Variants in BNC2 observed in about 807,000 individuals in gnomAD.
The protein encoded by BNC2 is zinc finger protein basonuclin-2.
In BNC2, 20 loss-of-function variants were observed where a neutral mutation model predicts 76.3. The observed-to-expected ratio is 0.26, with a 90% CI of 0.18 to 0.38. BNC2 has a LOEUF of 0.38. BNC2 is among the 10% of genes least tolerant of loss of function. The probability of loss-of-function intolerance (pLI) is 1.00; values close to 1 mark genes in which losing one functional copy is unlikely to be tolerated. For synonymous variants in BNC2, 582 were observed against 514.8 expected (o/e 1.13, Z -1.77); for missense variants, 1,382 against 1,399.8 (o/e 0.99, Z 0.20).
chr9:16,664,569 G>A lies in BNC2; in HGVS notation c.330+63228C>T, dbSNP rs76018942. On this transcript the variant is annotated intron_variant, in intron 3 of 6. Transcript: ENST00000380672. ...AACTACAACTTCAGGGTTTCTATGC[G>A]GTAAAAATTCCTGTAAACTGCCTGT... Among the ~76,000 whole-genome samples the A allele has an allele frequency of 6.3e-3, 962 of 152,168 alleles. 36 individuals are homozygous for A. The East Asian group carries it at 0.1, about 16-fold the overall frequency.
intron 3 of BNC2, among the ~76,000 whole-genome samples, chr9:16,670,951 T>C (rs1822459364): frequency 6.6e-6 from 1 of 152,154 alleles, no homozygotes; most frequent in Non-Finnish European, 1.5e-5. Flanking sequence ...CCCCTGAGCT[T>C]GCCCCACCTG....
chr9:16,744,789 G>C lies in BNC2; in HGVS notation c.4-6304C>G, dbSNP rs911700430. On this transcript the variant is annotated intron_variant, in intron 1 of 6. Transcript: ENST00000380672. ...GTGAAATTTTTACACTGGTCTCACT[G>C]AGCTTTATCAGAAAAACTGTGTAAA... Among the ~76,000 whole-genome samples the C allele has an allele frequency of 5.9e-5, 9 of 152,314 alleles. No individual in the cohort carries two copies. In the East Asian group the frequency reaches 1.2e-3, roughly 20 times the overall value.
intron 5 of BNC2, among the ~76,000 whole-genome samples, chr9:16,527,375 C>T (rs893648706): frequency 3.3e-5 from 5 of 152,104 alleles, no homozygotes; most frequent in African/African-American, 7.2e-5. Context: ...CATCTTATCT[C>T]CCCCAGACCC....
chr9:16,678,040 A>T lies in BNC2; in HGVS notation c.330+49757T>A, dbSNP rs187480327. ...CGGTAGAGGATGAGAATCAATTGTA[A>T]CAAAAATGAGAGGATGCAAAATAAA... On this transcript the variant is annotated intron_variant, in intron 3 of 6. Coordinates refer to ENST00000380672, the MANE Select transcript of BNC2 (RefSeq NM_017637.6). 3.4e-4 allele frequency among the ~76,000 whole-genome samples: 51 copies of T among 152,204 alleles called. 1 individual carries two copies. The highest frequency in any genetic ancestry group is 2.1e-3 in the South Asian group (10 of 4,818).
intron 5 of BNC2, among the ~76,000 whole-genome samples, chr9:16,539,425 G>C (rs1363783675): frequency 6.6e-6 from 1 of 151,400 alleles, no homozygotes; most frequent in Admixed American, 6.6e-5. Flanking sequence ...CTGCTCGGGA[G>C]GCTGAGGTGG....
At chr9:16,566,398 C>G in intron 4 of BNC2, among the ~76,000 whole-genome samples, 1 of 152,232 alleles carries the variant, frequency 6.6e-6, no homozygotes. Flanking sequence ...CTTTCTCAAC[C>G]CTTCTTTTGT....
chr9:16,507,943 A>G (rs1248411341), intron 5 of BNC2, among the ~76,000 whole-genome samples: 1 of 152,250 alleles, frequency 6.6e-6, no homozygotes, highest in Admixed American at 6.5e-5. Context: ...GTTCATTATT[A>G]TAATACTTCA....
intron 1 of BNC2, among the ~76,000 whole-genome samples, chr9:16,837,641 A>T (rs1336506734): frequency 2.0e-5 from 3 of 152,240 alleles, no homozygotes; most frequent in African/African-American, 7.2e-5. Flanking sequence ...AGAATGAGAT[A>T]AATAAAACCT....
chr9:16,782,586 T>G (rs1826184176), intron 1 of BNC2, among the ~76,000 whole-genome samples: 1 of 151,782 alleles, frequency 6.6e-6, no homozygotes, highest in Non-Finnish European at 1.5e-5. Flanking sequence ...CTAGACCCCT[T>G]CCACTGGCTG....
At chr9:16,594,618 A>G (rs1235289064) in intron 3 of BNC2, among the ~76,000 whole-genome samples, 3 of 152,190 alleles carry the variant, frequency 2.0e-5, no homozygotes, top group Non-Finnish European at 4.4e-5. Flanking sequence ...TACCCAGGCC[A>G]ATTGAGACAG....
chr9:16,545,859 C>G (rs1356248977), intron 5 of BNC2, among the ~76,000 whole-genome samples: 1 of 152,144 alleles, frequency 6.6e-6, no homozygotes, highest in East Asian at 1.9e-4. Flanking sequence ...GAGAAAATGG[C>G]AGAGCCATAA....
rs529762832 is a variant in BNC2, at chr9:16,592,401, G to T, written c.331-9316C>A. ...TACATACTACAACATGAATGAACATGAAAAACACTAAGCTGAGTTGCAGGA... is the reference window on the plus strand; with the variant it reads ...TACATACTACAACATGAATGAACATTAAAAACACTAAGCTGAGTTGCAGGA... On this transcript the variant is annotated intron_variant, in intron 3 of 6. Coordinates refer to ENST00000380672, the MANE Select transcript of BNC2 (RefSeq NM_017637.6). Among the ~76,000 whole-genome samples the T allele has an allele frequency of 2.0e-5, 3 of 152,228 alleles. No individual in the cohort carries two copies. The East Asian group carries it at 5.8e-4, about 29-fold the overall frequency.
At chr9:16,756,180 G>A (rs1272413190) in intron 1 of BNC2, among the ~76,000 whole-genome samples, 1 of 152,150 alleles carries the variant, frequency 6.6e-6, no homozygotes, top group Non-Finnish European at 1.5e-5. Context: ...CAACTTCATA[G>A]CCACTTTTGA....
intron 5 of BNC2, among the ~76,000 whole-genome samples, chr9:16,520,966 G>A (rs949315374): frequency 1.3e-5 from 2 of 152,136 alleles, no homozygotes; most frequent in African/African-American, 2.4e-5. Context: ...ACTAATATTA[G>A]TATTTTACTC....
At chr9:16,637,453 G>A (rs1470555434) in intron 3 of BNC2, among the ~76,000 whole-genome samples, 3 of 152,134 alleles carry the variant, frequency 2.0e-5, no homozygotes, top group South Asian at 2.1e-4. Context: ...GCAAGCCTCC[G>A]CCAGGGAAGA....
At chr9:16,621,507 T>C (rs1238169059) in intron 3 of BNC2, among the ~76,000 whole-genome samples, 2 of 152,234 alleles carry the variant, frequency 1.3e-5, no homozygotes, top group African/African-American at 4.8e-5. Context: ...AAGATGATTC[T>C]AGAGCAATGT....
At position 16,825,837 on chromosome 9, in the gene BNC2, CACAG is replaced by C. The variant is rs1004584370; in HGVS notation, c.3+44805_3+44808del. Among the ~76,000 whole-genome samples, 11 of 152,150 alleles carry C rather than the reference CACAG, an allele frequency of 7.2e-5. No individual in the cohort carries two copies. The East Asian group carries it at 7.7e-4, about 11-fold the overall frequency. ...CATTAAATTGTGAAAATAGTTCAAC[CACAG>C]ACAGTCTTTCACCTGAGCATAACTG... On this transcript the variant is annotated intron_variant, in intron 1 of 6. Transcript: ENST00000380672.
chr9:16,861,903 G>C (rs573509734), intron 1 of BNC2, among the ~76,000 whole-genome samples: 242 of 152,084 alleles, frequency 1.6e-3, no homozygotes, highest in Non-Finnish European at 2.5e-3. Flanking sequence ...GCAGGAGAAT[G>C]GCGTGAACCT....
intron 1 of BNC2, among the ~76,000 whole-genome samples, chr9:16,848,520 G>A (rs1208571435): frequency 6.6e-6 from 1 of 152,154 alleles, no homozygotes; most frequent in Non-Finnish European, 1.5e-5. Context: ...GGTCCATGAA[G>A]ACAGCACAAA....
Sources: allele counts gnomAD v4.1 joint callset (sites outside exome capture counted in the v4.1 genomes callset), GRCh38; gene constraint gnomAD v4.1.1; transcripts MANE v1.5; gene names NCBI Gene and HGNC (gene_info 2026-07-23, HGNC 2026-07-21).